MED26: variants seen among roughly 807,000 people sequenced by gnomAD.
MED26 encodes the protein mediator complex subunit 26.
Under a neutral mutation model 43.7 loss-of-function variants are expected in MED26, and 7 were observed. That is an observed-to-expected ratio of 0.16 (90% confidence interval 0.09 to 0.30). The LOEUF is 0.30. Ranked by LOEUF, MED26 falls within the 10% of genes least tolerant of loss-of-function variation. MED26 has a pLI of 1.00. For missense variants in MED26, 784 were observed against 840.6 expected (o/e 0.93, Z 0.83); for synonymous variants, 375 against 371.1 (o/e 1.01, Z -0.12).
intron 1 of MED26, among the ~76,000 whole-genome samples, chr19:16,590,652 G>T (rs2086091499): frequency 6.6e-6 from 1 of 152,136 alleles, no homozygotes; most frequent in African/African-American, 2.4e-5. Flanking sequence ...CTTGATTGTG[G>T]TGTTGGTGTT....
At chr19:16,606,032 T>C (rs993531321) in intron 1 of MED26, among the ~76,000 whole-genome samples, 7 of 152,188 alleles carry the variant, frequency 4.6e-5, no homozygotes, top group African/African-American at 1.4e-4. Context: ...TGGCAAGGGA[T>C]AGAGCATCGG....
At chr19:16,583,602 T>A (rs1215146191) in intron 1 of MED26, among the ~76,000 whole-genome samples, 3 of 152,022 alleles carry the variant, frequency 2.0e-5, no homozygotes, top group Admixed American at 2.0e-4. Context: ...AGGTGGGACC[T>A]CCCTGGGGTG....
chr19:16,578,200 T>C, intron 2 of MED26, 135 bp downstream of exon 2: 1 of 843,248 alleles, frequency 1.2e-6, no homozygotes. Context: ...AGGCACGAGC[T>C]GTGAGGGCAC....
chr19:16,613,478 C>T (rs76065702), intron 1 of MED26, among the ~76,000 whole-genome samples: 13,375 of 152,140 alleles, frequency 0.088, 627 homozygotes, highest in South Asian at 0.13. Context: ...CCCCCACTTC[C>T]GAGGTGGAAA....
chr19:16,583,853 G>A (rs2086057754), intron 1 of MED26, among the ~76,000 whole-genome samples: 2 of 152,130 alleles, frequency 1.3e-5, no homozygotes, highest in Admixed American at 1.3e-4. Flanking sequence ...ACCAAGCAGG[G>A]AGGCCTGGTC....
intron 1 of MED26, among the ~76,000 whole-genome samples, chr19:16,598,193 C>T (rs531660045): frequency 1.0e-3 from 157 of 151,146 alleles, no homozygotes; most frequent in African/African-American, 2.9e-3. Context: ...AAAAATTAGC[C>T]GGGCGAGGTG....
chr19:16,625,966 T>C (rs2086273048), intron 1 of MED26, among the ~76,000 whole-genome samples: 1 of 152,206 alleles, frequency 6.6e-6, no homozygotes, highest in South Asian at 2.1e-4. Flanking sequence ...CGGTATGAAA[T>C]GCAAATTCCA....
chr19:16,577,503 G>T lies in MED26; in HGVS notation c.327C>A (p.His109Gln). The change falls in exon 3 of 3, where the codon CAC (histidine) becomes CAA (glutamine). Residue 109 changes from histidine (H) to glutamine (Q), a missense_variant. By Grantham distance (24) the His-to-Gln change is conservative. Around this residue, in one of 3 missense-constraint regions of MED26, gnomAD observed 719 missense variants for 730.9 expected, o/e 0.98. Coordinates refer to ENST00000263390, the MANE Select transcript of MED26 (RefSeq NM_004831.5). The surrounding 1 kb of genome is among the most constrained non-coding windows in gnomAD (Gnocchi z 8.1). ...GATGSANGGA[H>Q]NCRPEVGAAG... ...CCGCCCCCACCTCCGGCCGGCAGTT[G>T]TGTGCGCCCCCGTTGGCAGAGCCGG... is the stretch of plus-strand genomic sequence containing the variant. The T allele has an allele frequency of 6.3e-7, 1 of 1,596,310 alleles. No homozygotes were observed.
chr19:16,615,085 G>A (rs1235352889), intron 1 of MED26, among the ~76,000 whole-genome samples: 2 of 152,096 alleles, frequency 1.3e-5, no homozygotes, highest in East Asian at 3.9e-4. Flanking sequence ...AAGGGGAATG[G>A]GGGTGGGGGA....
intron 1 of MED26, among the ~76,000 whole-genome samples, chr19:16,617,713 G>A (rs2086232481): frequency 6.6e-6 from 1 of 152,222 alleles, no homozygotes; most frequent in Non-Finnish European, 1.5e-5. Context: ...GAGCTCACAG[G>A]AGAGCAGTGC....
intron 1 of MED26, among the ~76,000 whole-genome samples, chr19:16,607,287 C>T (rs2086178030): frequency 6.6e-6 from 1 of 151,310 alleles, no homozygotes; most frequent in Admixed American, 6.6e-5. Context: ...GGGAGGATCA[C>T]TTGAGCCCAG....
rs143100612 is a variant in MED26 at position 16,577,960 on chromosome 19, C to A, written c.148-278G>T. 1.6e-4 allele frequency: 75 copies of A among 472,828 alleles called. No individual in the cohort carries two copies. The highest frequency in any genetic ancestry group is 1.3e-3 in the African/African-American group (67 of 49,678). 29.3% of individuals were successfully genotyped at this position (472,828 alleles called of 1,614,324 possible). ...TCAGGGGGCTGTGGACCATCAAGGCCACTGTAAGGACACTGCCAGAGAGGC... is the reference window on the plus strand; with the variant it reads ...TCAGGGGGCTGTGGACCATCAAGGCAACTGTAAGGACACTGCCAGAGAGGC... On this transcript the variant is annotated intron_variant, in intron 2 of 2. Coordinates refer to ENST00000263390, the MANE Select transcript of MED26 (RefSeq NM_004831.5). This position sits in a 1 kb window ranked among gnomAD's most constrained non-coding sequence, Gnocchi z 8.1.
At chr19:16,626,075 A>G (rs568568556) in intron 1 of MED26, among the ~76,000 whole-genome samples, 1 of 152,250 alleles carries the variant, frequency 6.6e-6, no homozygotes, top group South Asian at 2.1e-4. Context: ...TGCCTCAAGG[A>G]ACCCTTTAGA....
intron 1 of MED26, among the ~76,000 whole-genome samples, chr19:16,591,043 AAAATAAAATAAATAAATAAAT>A (rs1170716548): frequency 1.2e-3 from 151 of 127,270 alleles, no homozygotes; most frequent in African/African-American, 4.4e-3. Context: ...TTCTCAAAAT[AAAATAAAATAAATAAATAAAT>A]AAATAAATAA....
At chr19:16,596,743 C>T (rs1416677060) in intron 1 of MED26, among the ~76,000 whole-genome samples, 2 of 152,280 alleles carry the variant, frequency 1.3e-5, no homozygotes, top group African/African-American at 2.4e-5. Context: ...CACAAAGGAA[C>T]GGGGTGACAG....
intron 1 of MED26, among the ~76,000 whole-genome samples, chr19:16,595,464 G>A (rs1272265168): frequency 6.6e-6 from 1 of 152,182 alleles, no homozygotes; most frequent in Non-Finnish European, 1.5e-5. Flanking sequence ...GCAGCCTCAG[G>A]AGGTGAGATG....
rs1379600795 is a variant in MED26 at position 16,628,009 on chromosome 19, G to T, written c.-66C>A. 9.6e-6 allele frequency: 10 copies of T among 1,044,580 alleles called. No homozygotes were observed. Among genetic ancestry groups the T allele is most frequent in the Middle Eastern group, 3.3e-4 (1 of 3,072 alleles). 64.7% of individuals were successfully genotyped at this position (1,044,580 alleles called of 1,614,324 possible). ...GGGCGGGCTGAGGCGGGGGACGGGG[G>T]TCACTCACTCGCCGGCCTCCGGGAG... On this transcript the variant is annotated 5_prime_UTR_variant, in exon 1 of 3. Coordinates refer to ENST00000263390, the MANE Select transcript of MED26 (RefSeq NM_004831.5).
intron 1 of MED26, among the ~76,000 whole-genome samples, chr19:16,609,336 A>AAAAAAAAAAAAAAGAGAGAG (rs765489188): frequency 7.7e-5 from 11 of 142,370 alleles, no homozygotes; most frequent in South Asian, 2.3e-4. Context: ...AAAAAAAAAA[A>AAAAAAAAAAAAAAGAGAGAG]AGAGAGAGAA....
chr19:16,589,344 A>C (rs958716786), intron 1 of MED26: 1 of 152,332 alleles, frequency 6.6e-6, no homozygotes, highest in Admixed American at 6.5e-5. Flanking sequence ...ACAGAAATGC[A>C]CTCAGAGCAG....
Sources: allele counts gnomAD v4.1 joint callset (sites outside exome capture counted in the v4.1 genomes callset), GRCh38; gene constraint gnomAD v4.1.1; regional missense constraint gnomAD v4.1.1; non-coding constraint Gnocchi (gnomAD v3.1); transcripts MANE v1.5; gene names NCBI Gene and HGNC (gene_info 2026-07-23, HGNC 2026-07-21).